CAPZA2: variants seen among roughly 807,000 people sequenced by gnomAD.
CAPZA2 encodes the protein F-actin-capping protein subunit alpha-2.
In CAPZA2, 13 loss-of-function variants were observed where a neutral mutation model predicts 44.0. That is an observed-to-expected ratio of 0.30 (90% confidence interval 0.19 to 0.47). The LOEUF (loss-of-function observed/expected upper bound fraction) is 0.47. Among genes scored for constraint, CAPZA2 ranks in the 20% least tolerant of loss-of-function variants. The probability of loss-of-function intolerance (pLI) is 1.00; values close to 1 mark genes in which losing one functional copy is unlikely to be tolerated. For synonymous variants in CAPZA2, 94 were observed against 108.2 expected (o/e 0.87, Z 0.81); for missense variants, 244 against 338.6 (o/e 0.72, Z 2.19).
At chr7:116,869,698 C>T (rs932120730) in intron 1 of CAPZA2, among the ~76,000 whole-genome samples, 2 of 152,206 alleles carry the variant, frequency 1.3e-5, no homozygotes, top group Non-Finnish European at 2.9e-5. Context: ...AATGTGGAGG[C>T]TTTGTACTGC....
intron 8 of CAPZA2, among the ~76,000 whole-genome samples, chr7:116,914,168 C>T (rs1791643285): frequency 6.6e-6 from 1 of 151,226 alleles, no homozygotes; most frequent in Admixed American, 6.6e-5. Flanking sequence ...GCTGGGACTA[C>T]AGGTGCCCAC....
At chr7:116,907,276 A>G (rs1398367337) in intron 6 of CAPZA2, among the ~76,000 whole-genome samples, 1 of 152,226 alleles carries the variant, frequency 6.6e-6, no homozygotes, top group Non-Finnish European at 1.5e-5. Flanking sequence ...CTGAAGGAAA[A>G]TCAATGCCAT....
intron 1 of CAPZA2, among the ~76,000 whole-genome samples, chr7:116,867,782 C>T (rs925147924): frequency 1.3e-5 from 2 of 152,114 alleles, no homozygotes; most frequent in African/African-American, 2.4e-5. Flanking sequence ...CAGGGTTTCG[C>T]TATGTTGCCC....
chr7:116,908,154 G>A (rs1035320878), intron 6 of CAPZA2, among the ~76,000 whole-genome samples: 1 of 151,692 alleles, frequency 6.6e-6, no homozygotes, highest in African/African-American at 2.4e-5. Flanking sequence ...CTAGCTACTT[G>A]GGAGGCTGAG....
intron 1 of CAPZA2, among the ~76,000 whole-genome samples, chr7:116,878,945 A>G (rs1796654057): frequency 1.3e-5 from 2 of 151,450 alleles, no homozygotes; most frequent in African/African-American, 4.9e-5. Context: ...GACCAACATG[A>G]TGAAACCCCA....
chr7:116,872,976 C>T (rs1472061541), intron 1 of CAPZA2, among the ~76,000 whole-genome samples: 1 of 152,128 alleles, frequency 6.6e-6, no homozygotes, highest in Non-Finnish European at 1.5e-5. Flanking sequence ...GAGATAGATT[C>T]ACTGGGTCTG....
At chr7:116,878,916 G>A (rs186737510) in intron 1 of CAPZA2, among the ~76,000 whole-genome samples, 157 of 151,464 alleles carry the variant, frequency 1.0e-3, no homozygotes, top group African/African-American at 3.2e-3. Context: ...TCACGAGGTC[G>A]GGAGTTTGAG....
intron 1 of CAPZA2, among the ~76,000 whole-genome samples, chr7:116,879,803 T>G (rs1018432399): frequency 9.9e-5 from 15 of 152,174 alleles, no homozygotes; most frequent in Non-Finnish European, 1.8e-4. Flanking sequence ...AAATGTTCAT[T>G]TCATTGAAAT....
chr7:116,895,878 C>A (rs1796918682), intron 3 of CAPZA2, among the ~76,000 whole-genome samples: 1 of 152,060 alleles, frequency 6.6e-6, no homozygotes, highest in Non-Finnish European at 1.5e-5. Flanking sequence ...AGTAGTGTTA[C>A]CCTGTTCTTC....
chr7:116,872,214 C>CT (rs969296986), intron 1 of CAPZA2, among the ~76,000 whole-genome samples: 20 of 151,306 alleles, frequency 1.3e-4, no homozygotes, highest in Non-Finnish European at 2.2e-4. Flanking sequence ...TTTAAGAATA[C>CT]TTTTTTTTTG....
At chr7:116,895,679 A>G (rs558124817) in intron 3 of CAPZA2, among the ~76,000 whole-genome samples, 2 of 152,230 alleles carry the variant, frequency 1.3e-5, no homozygotes, top group South Asian at 2.1e-4. Context: ...CTAGTAAAAA[A>G]AAAAAAATAG....
intron 4 of CAPZA2, 31 bp from the exon 5 acceptor site, chr7:116,904,145 AT>A (rs753690773): frequency 8.7e-6 from 12 of 1,381,650 alleles, no homozygotes; most frequent in Non-Finnish European, 1.0e-5. Context: ...CTGTTTTTTT[AT>A]TTTTTTTCTA....
rs67944722 is a variant in CAPZA2, at chr7:116,867,582, CTTT to C, written c.39+4949_39+4951del. ...GCTGCATACTAGTCCATTTCTCTCT[CTTT>C]TTTTTTTTTTTTTTTTGAGACAGAT... On this transcript the variant is annotated intron_variant, in intron 1 of 9. Coordinates refer to ENST00000361183, the MANE Select transcript of CAPZA2 (RefSeq NM_006136.3). Among the ~76,000 whole-genome samples the C allele has an allele frequency of 1.5e-4, 17 of 114,800 alleles. No individual in the cohort carries two copies. The South Asian group carries it at 2.5e-3, about 17-fold the overall frequency. The allele number at this position is 114,800 out of a possible 152,430, so 75.3% of individuals were successfully genotyped here. A position where few individuals can be genotyped will look rare whatever the true frequency, so the allele number is the denominator to read the frequency against.
intron 1 of CAPZA2, among the ~76,000 whole-genome samples, chr7:116,882,628 C>A (rs1796716064): frequency 6.6e-6 from 1 of 151,998 alleles, no homozygotes; most frequent in South Asian, 2.1e-4. Flanking sequence ...ATTTTTTGAA[C>A]ACCCCAATTT....
intron 1 of CAPZA2, among the ~76,000 whole-genome samples, chr7:116,869,679 A>G (rs1039439275): frequency 6.6e-6 from 1 of 152,216 alleles, no homozygotes; most frequent in African/African-American, 2.4e-5. Context: ...TCTCAGCACA[A>G]GGGTGTTGAA....
At chr7:116,890,690 A>T (rs1311875470) in intron 2 of CAPZA2, among the ~76,000 whole-genome samples, 1 of 128,604 alleles carries the variant, frequency 7.8e-6, no homozygotes, top group Non-Finnish European at 1.6e-5. Context: ...AGGCAGGAGA[A>T]TTGCTCAAAC....
Position 116,910,103 on chromosome 7 carries a change from T to G in CAPZA2, c.507-130T>G, listed in dbSNP as rs1388474510. Reference sequence around the variant, plus strand: ...TGATTATTTTTGACTATTTCAGTGATTAAAAATTTAATGTCCAGTATTCAT... The same window carrying G: ...TGATTATTTTTGACTATTTCAGTGAGTAAAAATTTAATGTCCAGTATTCAT... On this transcript the variant is annotated intron_variant, in intron 6 of 9. Coordinates refer to ENST00000361183, the MANE Select transcript of CAPZA2 (RefSeq NM_006136.3). 6 of 690,782 alleles carry G rather than the reference T, an allele frequency of 8.7e-6. No individual in the cohort carries two copies. In the Admixed American group the frequency reaches 1.3e-4, roughly 15 times the overall value. The allele number at this position is 690,782 out of a possible 1,614,324, so 42.8% of individuals were successfully genotyped here. A position where few individuals can be genotyped will look rare whatever the true frequency, so the allele number is the denominator to read the frequency against.
chr7:116,910,584 G>A (rs1172099628), intron 7 of CAPZA2, among the ~76,000 whole-genome samples: 1 of 152,170 alleles, frequency 6.6e-6, no homozygotes, highest in Non-Finnish European at 1.5e-5. Flanking sequence ...GATACAATTT[G>A]TTCATGCAGG....
chr7:116,907,415 A>C (rs978864481), intron 6 of CAPZA2, among the ~76,000 whole-genome samples: 2 of 152,194 alleles, frequency 1.3e-5, no homozygotes, highest in Non-Finnish European at 2.9e-5. Flanking sequence ...ATTAATCTAG[A>C]ATCCTGAAAC....
Sources: allele counts gnomAD v4.1 joint callset (sites outside exome capture counted in the v4.1 genomes callset), GRCh38; gene constraint gnomAD v4.1.1; transcripts MANE v1.5; gene names NCBI Gene and HGNC (gene_info 2026-07-23, HGNC 2026-07-21).